Variants in SHISA9 observed in about 807,000 individuals in gnomAD.
SHISA9 encodes protein shisa-9.
A neutral mutation model predicts 38.0 loss-of-function variants in SHISA9; 13 were observed. The observed-to-expected ratio is 0.34, with a 90% CI of 0.22 to 0.54. The LOEUF is 0.54. Among genes scored for constraint, SHISA9 ranks in the 20% least tolerant of loss-of-function variants. SHISA9 has a pLI of 0.91. For missense variants in SHISA9, 538 were observed against 575.8 expected, an observed-to-expected ratio of 0.93 and a Z score of 0.67; for synonymous variants, 275 against 242.0, an observed-to-expected ratio of 1.14 and a Z score of -1.27.
At chr16:13,520,999 A>C in the SHISA9 span, among the ~76,000 whole-genome samples, 1 of 152,206 alleles carries the variant, frequency 6.6e-6, no homozygotes, top group East Asian at 1.9e-4. Context: ...GAACACTCAG[A>C]ATACACTCCT....
At chr16:13,302,267 A>G in the SHISA9 span, among the ~76,000 whole-genome samples, 4 of 152,318 alleles carry the variant, frequency 2.6e-5, 1 homozygote, top group Admixed American at 2.6e-4. Flanking sequence ...TTTAGATAGT[A>G]AAGAAAGCCC....
At chr16:13,212,087 G>A (rs561722398) in intron 3 of SHISA9, among the ~76,000 whole-genome samples, 43 of 152,280 alleles carry the variant, frequency 2.8e-4, no homozygotes, top group Non-Finnish European at 5.1e-4. Context: ...CACGCCTGGG[G>A]AGGCCAGCCA....
chr16:13,019,408 T>C (rs992549393), intron 2 of SHISA9, among the ~76,000 whole-genome samples: 2 of 152,148 alleles, frequency 1.3e-5, no homozygotes, highest in African/African-American at 4.8e-5. Flanking sequence ...GGTGGCTTCT[T>C]ACTATGTCCT....
chr16:13,354,949 C>T, the SHISA9 span, among the ~76,000 whole-genome samples: 70,154 of 147,080 alleles, frequency 0.48, 16,926 homozygotes, highest in East Asian at 0.74. Context: ...CAGTACAGCC[C>T]AGGTAATTTG....
the SHISA9 span, among the ~76,000 whole-genome samples, chr16:13,338,992 C>G: frequency 0.025 from 3,822 of 152,140 alleles, 84 homozygotes; most frequent in African/African-American, 0.054. Flanking sequence ...GGGAGGGATT[C>G]TAACCTGAGA....
At chr16:13,254,457 G>A in the SHISA9 span, among the ~76,000 whole-genome samples, 1 of 152,198 alleles carries the variant, frequency 6.6e-6, no homozygotes, top group African/African-American at 2.4e-5. Flanking sequence ...TGGTTGCTAG[G>A]TCTCTCTGGG....
At chr16:12,960,535 G>T (rs929824803) in intron 2 of SHISA9, among the ~76,000 whole-genome samples, 1 of 152,120 alleles carries the variant, frequency 6.6e-6, no homozygotes, top group Non-Finnish European at 1.5e-5. Context: ...ATCAATGATA[G>T]ACTAGATAAA....
chr16:13,426,276 G>A, the SHISA9 span, among the ~76,000 whole-genome samples: 4,285 of 152,074 alleles, frequency 0.028, 196 homozygotes, highest in African/African-American at 0.096. Flanking sequence ...TTATGAGATC[G>A]GCCCCATTCC....
chr16:13,216,742 C>A (rs61707485), intron 4 of SHISA9, among the ~76,000 whole-genome samples: 4,450 of 152,166 alleles, frequency 0.029, 224 homozygotes, highest in African/African-American at 0.1. Context: ...AGGACAAGGT[C>A]CTTGAAGATA....
chr16:13,553,513 G>C, the SHISA9 span, among the ~76,000 whole-genome samples: 1 of 152,240 alleles, frequency 6.6e-6, no homozygotes, highest in Non-Finnish European at 1.5e-5. Context: ...TTGTGTCCAT[G>C]TGACTTAAAG....
At chr16:13,285,462 GTTTTTTTTTT>G in the SHISA9 span, among the ~76,000 whole-genome samples, 9 of 95,788 alleles carry the variant, frequency 9.4e-5, no homozygotes, top group Admixed American at 5.9e-4. Context: ...TTCAGGTGTA[GTTTTTTTTTT>G]TTTTTTTTTT....
chr16:13,448,499 C>G, the SHISA9 span, among the ~76,000 whole-genome samples: 1 of 152,150 alleles, frequency 6.6e-6, no homozygotes, highest in South Asian at 2.1e-4. Context: ...TCCTGATGCC[C>G]AGAATGAGAT....
At chr16:13,076,903 A>G (rs1194855870) in intron 2 of SHISA9, among the ~76,000 whole-genome samples, 1 of 152,212 alleles carries the variant, frequency 6.6e-6, no homozygotes, top group East Asian at 1.9e-4. Flanking sequence ...ATTAATGACT[A>G]AATCACTCTG....
chr16:13,178,878 C>T (rs971491156), intron 2 of SHISA9, among the ~76,000 whole-genome samples: 27 of 151,890 alleles, frequency 1.8e-4, no homozygotes, highest in Non-Finnish European at 3.8e-4. Context: ...TTTTTTTCTG[C>T]CCTATTTAGT....
At chr16:13,321,635 T>G in the SHISA9 span, among the ~76,000 whole-genome samples, 1 of 152,196 alleles carries the variant, frequency 6.6e-6, no homozygotes, top group East Asian at 1.9e-4. Context: ...CTTAATGAGT[T>G]TATGTGTTGC....
In SHISA9 at chr16:13,235,016, G is replaced by T; in HGVS notation, c.896-14G>T. The T allele has an allele frequency of 2.0e-6, 3 of 1,521,372 alleles. No individual in the cohort carries two copies. The highest frequency in any genetic ancestry group is 2.7e-6 in the Non-Finnish European group (3 of 1,128,668). The allele number at this position is 1,521,372 out of a possible 1,614,324, so 94.2% of individuals were successfully genotyped here. On this transcript the variant is annotated splice_polypyrimidine_tract_variant and intron_variant, in intron 4 of 4. Coordinates refer to ENST00000558583, the MANE Select transcript of SHISA9 (RefSeq NM_001145204.3). The stretch of plus-strand genomic sequence containing the variant: ...CTTTCTTCCCCTTCTTCATCCACCC[G>T]TTCCGATGTGTAGCTGACAAGGTCA...
chr16:13,444,119 C>T, the SHISA9 span, among the ~76,000 whole-genome samples: 15 of 152,196 alleles, frequency 9.9e-5, no homozygotes, highest in African/African-American at 3.4e-4. Flanking sequence ...GCCTGTCATC[C>T]AAGCACTTTG....
chr16:13,094,981 A>C (rs1419557066), intron 2 of SHISA9, among the ~76,000 whole-genome samples: 3 of 152,132 alleles, frequency 2.0e-5, no homozygotes, highest in Admixed American at 2.0e-4. Flanking sequence ...GTAAATACAT[A>C]TTTCTTCCGT....
the SHISA9 span, among the ~76,000 whole-genome samples, chr16:13,467,716 A>C: frequency 6.6e-6 from 1 of 152,202 alleles, no homozygotes. Context: ...TGTTGGATGG[A>C]GCCAAGGGGC....
Sources: gnomAD v4.1 joint callset for allele counts (sites outside exome capture counted in the v4.1 genomes callset) on GRCh38, gnomAD v4.1.1 for gene constraint, MANE v1.5 for transcripts, NCBI Gene and HGNC (gene_info 2026-07-23, HGNC 2026-07-21) for gene names.